WARS2: variants seen among roughly 807,000 people sequenced by gnomAD.
WARS2 encodes tryptophanyl tRNA synthetase 2, mitochondrial, also known as tryptophan--tRNA ligase, mitochondrial.
In WARS2, 28 loss-of-function variants were observed where a neutral mutation model predicts 36.5. The ratio of observed to expected loss-of-function variants is 0.77; its 90% CI spans 0.57 to 1.05. The LOEUF (loss-of-function observed/expected upper bound fraction) is 1.05. Ranked by LOEUF, WARS2 falls within the 50% of genes least tolerant of loss-of-function variation. The pLI, the probability that WARS2 is intolerant of heterozygous loss-of-function variation, is 0.00. For synonymous variants in WARS2, 174 were observed against 178.4 expected, an observed-to-expected ratio of 0.98 and a Z score of 0.20; for missense variants, 435 against 456.8, an observed-to-expected ratio of 0.95 and a Z score of 0.44.
intron 3 of WARS2, among the ~76,000 whole-genome samples, chr1:119,044,697 C>T (rs1646900827): frequency 6.6e-6 from 1 of 152,180 alleles, no homozygotes; most frequent in Non-Finnish European, 1.5e-5. Context: ...TCCACAGATG[C>T]TGTCAGGAGC....
intron 1 of WARS2, among the ~76,000 whole-genome samples, chr1:119,097,930 T>A (rs775731851): frequency 6.6e-6 from 1 of 152,142 alleles, no homozygotes; most frequent in Non-Finnish European, 1.5e-5. Flanking sequence ...AAATTATCCC[T>A]TCTCAGACTG....
chr1:119,060,024 C>G (rs1488757270), intron 2 of WARS2, among the ~76,000 whole-genome samples: 1 of 152,092 alleles, frequency 6.6e-6, no homozygotes, highest in Admixed American at 6.6e-5. Flanking sequence ...AATCTGTACA[C>G]CAAACCCCCA....
rs587670492 is a variant in WARS2, at chr1:119,111,636, G to A, written c.90+28919C>T. Among the ~76,000 whole-genome samples, 10 of 152,218 alleles carry A rather than the reference G, an allele frequency of 6.6e-5. No homozygotes were observed. In the East Asian group the frequency reaches 1.9e-3, roughly 29 times the overall value. ...TGAGAACCTGGTAAAACTTCTGGAAGGAAAATTCACAAAAATGTAGGCTTC... is the reference window on the plus strand; with the variant it reads ...TGAGAACCTGGTAAAACTTCTGGAAAGAAAATTCACAAAAATGTAGGCTTC... On this transcript the variant is annotated intron_variant, in intron 1 of 5. Coordinates refer to ENST00000235521, the MANE Select transcript of WARS2 (RefSeq NM_015836.4).
chr1:119,139,761 A>T (rs587692808), intron 1 of WARS2: 2 of 152,336 alleles, frequency 1.3e-5, no homozygotes, highest in African/African-American at 2.4e-5. Flanking sequence ...TCCCGTAGAT[A>T]AAGTATGTCA....
In WARS2 at chr1:119,032,455, G is replaced by A. The variant is rs1647503014; in HGVS notation, c.*456C>T. On this transcript the variant is annotated 3_prime_UTR_variant, in exon 6 of 6. Transcript: ENST00000235521. Reference sequence around the variant, plus strand: ...GAATGGACTTGTTTTTATGAGCTCTGAATACAAATTGGCATCTGATCAAAT... The same window carrying A: ...GAATGGACTTGTTTTTATGAGCTCTAAATACAAATTGGCATCTGATCAAAT... 1.3e-5 allele frequency: 2 copies of A among 155,272 alleles called. No homozygotes were observed. 9.6% of individuals were successfully genotyped at this position (155,272 alleles called of 1,614,324 possible).
At chr1:119,134,127 T>C (rs1337846555) in intron 1 of WARS2, among the ~76,000 whole-genome samples, 1 of 151,528 alleles carries the variant, frequency 6.6e-6, no homozygotes, top group Non-Finnish European at 1.5e-5. Flanking sequence ...CTAACCAAGG[T>C]CATTCAGGGC....
intron 1 of WARS2, among the ~76,000 whole-genome samples, chr1:119,080,496 G>A (rs1353663325): frequency 6.6e-6 from 1 of 152,058 alleles, no homozygotes; most frequent in Admixed American, 6.6e-5. Context: ...TAGTGCAGAG[G>A]GAATGATATT....
chr1:119,104,367 A>C (rs1419669339), intron 1 of WARS2, among the ~76,000 whole-genome samples: 1 of 150,782 alleles, frequency 6.6e-6, no homozygotes, highest in Non-Finnish European at 1.5e-5. Flanking sequence ...AGAATATTAA[A>C]AATATAAAAT....
Position 119,135,915 on chromosome 1 carries a change from C to T in WARS2, c.90+4640G>A, listed in dbSNP as rs587695106. ...TCTCCTGACTAGCTGGGACTACAGGCATATGCCACTAAGCCCAGCTAATTT... is the reference window on the plus strand; with the variant it reads ...TCTCCTGACTAGCTGGGACTACAGGTATATGCCACTAAGCCCAGCTAATTT... On this transcript the variant is annotated intron_variant, in intron 1 of 5. Transcript: ENST00000235521. Among the ~76,000 whole-genome samples the T allele has an allele frequency of 6.9e-4, 61 of 88,740 alleles. No individual in the cohort carries two copies. The East Asian group carries it at 0.04, about 58-fold the overall frequency. The allele number at this position is 88,740 out of a possible 152,430, so 58.2% of individuals were successfully genotyped here.
chr1:119,090,129 GA>G (rs71070784), intron 1 of WARS2, among the ~76,000 whole-genome samples: 9,320 of 139,656 alleles, frequency 0.067, 296 homozygotes, highest in South Asian at 0.12. Flanking sequence ...CTTTAAAGTT[GA>G]AAAAAAAAAA....
chr1:119,049,166 C>G (rs1649123397), intron 2 of WARS2, among the ~76,000 whole-genome samples: 1 of 152,146 alleles, frequency 6.6e-6, no homozygotes, highest in Non-Finnish European at 1.5e-5. Context: ...AGCACATCAG[C>G]GGAGGAACAC....
intron 2 of WARS2, among the ~76,000 whole-genome samples, chr1:119,069,380 T>C (rs1190032659): frequency 6.6e-6 from 1 of 152,234 alleles, no homozygotes; most frequent in African/African-American, 2.4e-5. Context: ...TTCTGTTACA[T>C]ATTTAATGAT....
chr1:119,037,147 CT>C (rs369781396), intron 4 of WARS2, among the ~76,000 whole-genome samples: 10 of 151,782 alleles, frequency 6.6e-5, no homozygotes, highest in East Asian at 3.9e-4. Flanking sequence ...TTCTGTTTTC[CT>C]TTTTTTTAAG....
intron 1 of WARS2, among the ~76,000 whole-genome samples, chr1:119,106,737 A>G (rs1654265765): frequency 6.6e-6 from 1 of 152,136 alleles, no homozygotes; most frequent in Admixed American, 6.5e-5. Flanking sequence ...GATACTTCCA[A>G]CTTTTAGCAA....
At chr1:119,086,814 A>G (rs1214864316) in intron 1 of WARS2, among the ~76,000 whole-genome samples, 1 of 152,032 alleles carries the variant, frequency 6.6e-6, no homozygotes. Context: ...GGGGTGGTCA[A>G]TGCCCTTCCC....
chr1:119,087,207 A>T (rs968114619), intron 1 of WARS2, among the ~76,000 whole-genome samples: 2 of 152,170 alleles, frequency 1.3e-5, no homozygotes, highest in African/African-American at 4.8e-5. Context: ...CGCCTAGAAT[A>T]TGAGCTCTTC....
At chr1:119,106,642 T>C (rs1049075051) in intron 1 of WARS2, among the ~76,000 whole-genome samples, 17 of 152,234 alleles carry the variant, frequency 1.1e-4, no homozygotes, top group African/African-American at 3.9e-4. Flanking sequence ...CATAGCTTGA[T>C]AGTTCATTTC....
intron 4 of WARS2, among the ~76,000 whole-genome samples, chr1:119,037,629 T>C (rs12029198): frequency 0.06 from 9,102 of 152,282 alleles, 350 homozygotes; most frequent in East Asian, 0.2. Flanking sequence ...AAAGATATAA[T>C]GAAGGGTTTA....
At chr1:119,039,422 A>C (rs1648160186) in intron 4 of WARS2, among the ~76,000 whole-genome samples, 1 of 152,114 alleles carries the variant, frequency 6.6e-6, no homozygotes, top group African/African-American at 2.4e-5. Context: ...CATACACACA[A>C]ACAGAGAGAG....
Sources: allele counts gnomAD v4.1 joint callset (sites outside exome capture counted in the v4.1 genomes callset), GRCh38; gene constraint gnomAD v4.1.1; transcripts MANE v1.5; gene names NCBI Gene and HGNC (gene_info 2026-07-23, HGNC 2026-07-21).